The following HBS1L variants were observed in gnomAD, a reference collection of about 807,000 sequenced individuals.
HBS1L encodes HBS1 like translational GTPase, also known as HBS1-like protein.
In HBS1L, 55 loss-of-function variants were observed where a neutral mutation model predicts 88.9. That is an observed-to-expected ratio of 0.62 (90% CI 0.50 to 0.77). The LOEUF (loss-of-function observed/expected upper bound fraction) is 0.77, where lower values mean the gene tolerates loss of function less well. Ranked by LOEUF, HBS1L falls within the 30% of genes least tolerant of loss-of-function variation. The pLI is 0.00. For synonymous variants in HBS1L, 267 were observed against 288.5 expected, an observed-to-expected ratio of 0.93 and a Z score of 0.76; for missense variants, 741 against 829.3, an observed-to-expected ratio of 0.89 and a Z score of 1.31.
intron 4 of HBS1L, among the ~76,000 whole-genome samples, chr6:135,007,605 A>G (rs530957591): frequency 6.6e-6 from 1 of 152,266 alleles, no homozygotes; most frequent in African/African-American, 2.4e-5. Flanking sequence ...ATACATTACA[A>G]ATTCCCCCTC....
At chr6:135,037,756 T>A in intron 4 of HBS1L, 43 of 1,550,908 alleles carry the variant, frequency 2.8e-5, no homozygotes, top group Non-Finnish European at 3.8e-5. Flanking sequence ...TTCACAGGAA[T>A]CTCTTGACAT....
intron 4 of HBS1L, among the ~76,000 whole-genome samples, chr6:135,029,769 C>T (rs1459272074): frequency 1.3e-5 from 2 of 152,068 alleles, no homozygotes; most frequent in Non-Finnish European, 2.9e-5. Context: ...AATTATGGTA[C>T]AATCATATTA....
At chr6:135,044,269 T>C (rs1475446025) in intron 2 of HBS1L, among the ~76,000 whole-genome samples, 1 of 152,234 alleles carries the variant, frequency 6.6e-6, no homozygotes. Flanking sequence ...TATTTCTGTT[T>C]CCACTCTATA....
chr6:134,975,125 C>A (rs1474640713), intron 15 of HBS1L, among the ~76,000 whole-genome samples: 1 of 152,078 alleles, frequency 6.6e-6, no homozygotes, highest in Non-Finnish European at 1.5e-5. Context: ...AGCTGAGAAT[C>A]AAATCAAGAA....
chr6:135,051,933 A>G (rs1777099254), intron 1 of HBS1L, among the ~76,000 whole-genome samples: 1 of 152,222 alleles, frequency 6.6e-6, no homozygotes, highest in Admixed American at 6.5e-5. Flanking sequence ...TACACACAAG[A>G]TAATGGGCAA....
intron 8 of HBS1L, among the ~76,000 whole-genome samples, chr6:134,993,349 G>A (rs1255008267): frequency 2.0e-5 from 3 of 151,986 alleles, no homozygotes; most frequent in African/African-American, 4.8e-5. Flanking sequence ...ACCACTGGGC[G>A]AAAATACCCA....
At chr6:134,980,284 A>C (rs1302216193) in intron 13 of HBS1L, among the ~76,000 whole-genome samples, 1 of 152,014 alleles carries the variant, frequency 6.6e-6, no homozygotes, top group African/African-American at 2.4e-5. Context: ...AAGAGCTCTG[A>C]GACAATCTAG....
chr6:134,975,863 G>A (rs1774629086), intron 15 of HBS1L, among the ~76,000 whole-genome samples: 1 of 152,104 alleles, frequency 6.6e-6, no homozygotes, highest in South Asian at 2.1e-4. Flanking sequence ...AAGAATTTAT[G>A]ACTAAGACCC....
intron 4 of HBS1L, among the ~76,000 whole-genome samples, chr6:135,004,508 A>T (rs1043013381): frequency 5.1e-5 from 6 of 117,044 alleles, no homozygotes; most frequent in Non-Finnish European, 9.7e-5. Context: ...CTTCAGAGGG[A>T]GTGAGAGCAG....
chr6:135,031,743 T>A (rs1776389103), intron 4 of HBS1L, among the ~76,000 whole-genome samples: 1 of 152,114 alleles, frequency 6.6e-6, no homozygotes. Context: ...TTGGGTTATA[T>A]CCTGCAACTA....
At chr6:135,044,883 A>G (rs1409913237) in intron 2 of HBS1L, among the ~76,000 whole-genome samples, 1 of 152,184 alleles carries the variant, frequency 6.6e-6, no homozygotes, top group Non-Finnish European at 1.5e-5. Context: ...AAATACTGAC[A>G]GGGAAGAGGA....
At chr6:134,999,217 T>C (rs1328511636) in intron 5 of HBS1L, among the ~76,000 whole-genome samples, 1 of 152,070 alleles carries the variant, frequency 6.6e-6, no homozygotes, top group East Asian at 1.9e-4. Context: ...TGCATTAAAT[T>C]CAATATGGAA....
At chr6:134,972,423 C>T (rs1364456580) in intron 15 of HBS1L, among the ~76,000 whole-genome samples, 4 of 152,128 alleles carry the variant, frequency 2.6e-5, no homozygotes, top group African/African-American at 9.7e-5. Context: ...AGCTCTCTAC[C>T]TTACATATGT....
At chr6:135,048,494 C>T (rs1173734364) in intron 2 of HBS1L, among the ~76,000 whole-genome samples, 1 of 152,140 alleles carries the variant, frequency 6.6e-6, no homozygotes, top group African/African-American at 2.4e-5. Context: ...CCCCACAGTC[C>T]CTCTTGTGAA....
intron 4 of HBS1L, among the ~76,000 whole-genome samples, chr6:135,007,652 C>T (rs899270098): frequency 1.3e-5 from 2 of 152,164 alleles, no homozygotes; most frequent in Non-Finnish European, 2.9e-5. Flanking sequence ...GCAAACTCTA[C>T]TGACATAAGT....
chr6:134,967,805 G>A (rs1274973549), intron 16 of HBS1L, among the ~76,000 whole-genome samples: 1 of 152,184 alleles, frequency 6.6e-6, no homozygotes, highest in Non-Finnish European at 1.5e-5. Flanking sequence ...CTTGCTAGAT[G>A]CTTCACAGGA....
chr6:135,043,611 T>TAA (rs1308366996), intron 2 of HBS1L, among the ~76,000 whole-genome samples: 1 of 152,184 alleles, frequency 6.6e-6, no homozygotes. Flanking sequence ...CGTAATGACT[T>TAA]ATTCTAAAAG....
intron 4 of HBS1L, among the ~76,000 whole-genome samples, chr6:135,003,508 A>G (rs1775522770): frequency 6.7e-6 from 1 of 149,110 alleles, no homozygotes; most frequent in South Asian, 2.2e-4. Flanking sequence ...TTAAGCTTGT[A>G]GTGAGCTATG....
At chr6:135,035,870 T>C in intron 4 of HBS1L, 2 of 750,116 alleles carry the variant, frequency 2.7e-6, no homozygotes, top group Non-Finnish European at 3.2e-6. Flanking sequence ...GAAAACACTT[T>C]TTATATATTT....
Sources: gnomAD v4.1 joint callset for allele counts (sites outside exome capture counted in the v4.1 genomes callset) on GRCh38, gnomAD v4.1.1 for gene constraint, MANE v1.5 for transcripts, NCBI Gene and HGNC (gene_info 2026-07-23, HGNC 2026-07-21) for gene names.